ADGRV1: variants seen among roughly 807,000 people sequenced by gnomAD.
ADGRV1 encodes the protein G-protein coupled receptor 98.
In ADGRV1, 359 loss-of-function variants were observed where a neutral mutation model predicts 596.2. The observed-to-expected ratio is 0.60, with a 90% CI of 0.55 to 0.66. The LOEUF (loss-of-function observed/expected upper bound fraction) is 0.66. Among genes scored for constraint, ADGRV1 ranks in the 30% least tolerant of loss-of-function variants. ADGRV1 has a pLI of 0.00. For missense variants in ADGRV1, 7,274 were observed against 7,575.6 expected (o/e 0.96, Z 1.48); for synonymous variants, 2,681 against 2,679.2 (o/e 1.00, Z -0.02).
chr5:90,918,058 G>A (rs1180153916), intron 83 of ADGRV1, among the ~76,000 whole-genome samples: 1 of 152,198 alleles, frequency 6.6e-6, no homozygotes, highest in African/African-American at 2.4e-5. Context: ...CAACTAGCAA[G>A]AGCAGAAACT....
At chr5:91,120,812 G>A (rs1793246575) in intron 87 of ADGRV1, among the ~76,000 whole-genome samples, 1 of 152,202 alleles carries the variant, frequency 6.6e-6, no homozygotes, top group South Asian at 2.1e-4. Flanking sequence ...CTTTAGCTGT[G>A]CTTGGCAATG....
chr5:90,787,590 C>CT (rs35504697), intron 67 of ADGRV1, among the ~76,000 whole-genome samples: 7,828 of 118,874 alleles, frequency 0.066, 320 homozygotes, highest in Non-Finnish European at 0.096. Flanking sequence ...TTCTTTCTTT[C>CT]TTTTTTTTTT....
chr5:90,734,339 C>T (rs1752940440), intron 50 of ADGRV1, among the ~76,000 whole-genome samples: 1 of 152,132 alleles, frequency 6.6e-6, no homozygotes, highest in Non-Finnish European at 1.5e-5. Context: ...AACCTCCATA[C>T]CATTTTCCAC....
intron 86 of ADGRV1, among the ~76,000 whole-genome samples, chr5:91,077,420 A>G (rs887164608): frequency 2.0e-5 from 3 of 152,242 alleles, no homozygotes; most frequent in Non-Finnish European, 4.4e-5. Flanking sequence ...AATGAATACA[A>G]GTAACCATCC....
chr5:90,751,657 G>A (rs1436651274), intron 53 of ADGRV1, among the ~76,000 whole-genome samples: 1 of 152,134 alleles, frequency 6.6e-6, no homozygotes, highest in Non-Finnish European at 1.5e-5. Context: ...TGGTTTCATA[G>A]ATTAGTCTGT....
At chr5:90,599,910 G>A (rs1265857406) in intron 1 of ADGRV1, among the ~76,000 whole-genome samples, 1 of 152,190 alleles carries the variant, frequency 6.6e-6, no homozygotes, top group African/African-American at 2.4e-5. Context: ...TATTTTGGTT[G>A]CAAATTAAGG....
At chr5:90,744,665 A>G (rs1754406725) in intron 50 of ADGRV1, among the ~76,000 whole-genome samples, 1 of 152,176 alleles carries the variant, frequency 6.6e-6, no homozygotes, top group Non-Finnish European at 1.5e-5. Context: ...ATTCATATGA[A>G]TGATAACTAG....
chr5:91,153,424 T>C, intron 89 of ADGRV1, 26 bp downstream of exon 89: 1 of 1,493,540 alleles, frequency 6.7e-7, no homozygotes, highest in Non-Finnish European at 9.1e-7. Flanking sequence ...TGAACGACAT[T>C]AGAAGTAGGC....
chr5:90,638,262 C>G (rs1463800380), intron 11 of ADGRV1, among the ~76,000 whole-genome samples: 1 of 151,566 alleles, frequency 6.6e-6, no homozygotes, highest in East Asian at 1.9e-4. Context: ...AAATAGGCAC[C>G]AGCAAATCTA....
chr5:90,889,415 G>A (rs1770597046), intron 83 of ADGRV1, among the ~76,000 whole-genome samples: 1 of 152,054 alleles, frequency 6.6e-6, no homozygotes, highest in African/African-American at 2.4e-5. Flanking sequence ...GACTTATTCA[G>A]GGAATGAGGA....
chr5:91,012,838 C>G (rs186084443), intron 85 of ADGRV1, among the ~76,000 whole-genome samples: 9 of 151,942 alleles, frequency 5.9e-5, no homozygotes, highest in South Asian at 4.1e-4. Flanking sequence ...AAGCCTATTA[C>G]TTGATAGTTA....
chr5:90,738,702 T>A (rs1159622910), intron 50 of ADGRV1, among the ~76,000 whole-genome samples: 2 of 152,318 alleles, frequency 1.3e-5, no homozygotes, highest in Non-Finnish European at 2.9e-5. Flanking sequence ...CGCCTTTGAA[T>A]GCGACTATAT....
At chr5:91,152,149 G>A (rs1228910040) in intron 88 of ADGRV1, among the ~76,000 whole-genome samples, 1 of 152,164 alleles carries the variant, frequency 6.6e-6, no homozygotes, top group African/African-American at 2.4e-5. Context: ...CATAGAATTG[G>A]CCTTGATTCA....
intron 85 of ADGRV1, among the ~76,000 whole-genome samples, chr5:91,054,120 A>T (rs1786618028): frequency 6.6e-6 from 1 of 151,544 alleles, no homozygotes; most frequent in African/African-American, 2.4e-5. Flanking sequence ...AGAGAGAGAG[A>T]GAGAGAGAGA....
rs749204963 is a variant in ADGRV1, at chr5:90,690,869, G to A, written c.6779G>A (p.Arg2260Gln). The A allele has an allele frequency of 1.9e-6, 3 of 1,612,174 alleles. No individual in the cohort carries two copies. Among genetic ancestry groups the A allele is most frequent in the African/African-American group, 2.7e-5 (2 of 74,868 alleles). Residue 2260 changes from arginine to glutamine, a missense_variant, in exon 31 of 90, where the codon CGA becomes CAA. By Grantham distance (43) the Arg-to-Gln change is conservative. Transcript: ENST00000405460. ...NSVKVNLPII[R>Q]NSGTLGNVTV... is the part of the protein sequence containing the mutation. ...GTGAAGGTAAACCTGCCAATAATTC[G>A]AAATTCTGGGACACTCGGCAATGTT...
chr5:90,841,431 A>C (rs564233999), intron 78 of ADGRV1, among the ~76,000 whole-genome samples: 1 of 152,302 alleles, frequency 6.6e-6, no homozygotes, highest in African/African-American at 2.4e-5. Context: ...CTTGTTCTTT[A>C]GTCCTCACGG....
At chr5:90,660,205 T>C (rs561879994) in intron 21 of ADGRV1, among the ~76,000 whole-genome samples, 2 of 152,260 alleles carry the variant, frequency 1.3e-5, no homozygotes, top group South Asian at 4.1e-4. Context: ...ATAAAATATG[T>C]TGTTTATGTT....
rs1161789625 is a variant in ADGRV1, at chr5:90,692,768, A to G, written c.7115A>G (p.Asn2372Ser). 6.3e-7 allele frequency: 1 copy of G among 1,599,728 alleles called. No individual in the cohort carries two copies. The highest frequency in any genetic ancestry group is 2.3e-5 in the East Asian group (1 of 44,408). ...QEPLERSSCA[N>S]ITVRRSGGHF... ...CCTCTGGAAAGAAGTTCCTGTGCTA[A>G]TATAACTGTCAGGCGAAGGTATATG... The change falls in exon 32 of 90, where the codon AAT becomes AGT. Residue 2372 changes from asparagine to serine, a missense_variant. Transcript: ENST00000405460.
chr5:90,594,958 G>A (rs1208306149), intron 1 of ADGRV1, among the ~76,000 whole-genome samples: 5 of 145,486 alleles, frequency 3.4e-5, no homozygotes, highest in South Asian at 4.5e-4. Flanking sequence ...ATTCCACAAA[G>A]CCGCCATTGT....
Sources: allele counts gnomAD v4.1 joint callset (sites outside exome capture counted in the v4.1 genomes callset), GRCh38; gene constraint gnomAD v4.1.1; transcripts MANE v1.5; gene names NCBI Gene and HGNC (gene_info 2026-07-23, HGNC 2026-07-21).